Variants in SORCS3 observed in about 807,000 individuals in gnomAD.
SORCS3 encodes the protein sortilin related VPS10 domain containing receptor 3.
A neutral mutation model predicts 146.3 loss-of-function variants in SORCS3; 57 were observed. The ratio of observed to expected loss-of-function variants is 0.39; its 90% CI spans 0.31 to 0.49. SORCS3 has a LOEUF of 0.49. Ranked by LOEUF, SORCS3 falls within the 20% of genes least tolerant of loss-of-function variation. SORCS3 has a pLI of 0.92. For missense variants in SORCS3, 1,341 were observed against 1,575.5 expected, an observed-to-expected ratio of 0.85 and a Z score of 2.52; for synonymous variants, 653 against 618.5, an observed-to-expected ratio of 1.06 and a Z score of -0.83.
intron 1 of SORCS3, among the ~76,000 whole-genome samples, chr10:104,735,930 A>AGTAGCCCTC (rs2016766348): frequency 6.6e-6 from 1 of 152,072 alleles, no homozygotes; most frequent in Non-Finnish European, 1.5e-5. Flanking sequence ...CAAACACAAT[A>AGTAGCCCTC]CAGTAGTAGC....
intron 25 of SORCS3, among the ~76,000 whole-genome samples, chr10:105,258,970 G>A (rs1337453853): frequency 6.6e-6 from 1 of 152,150 alleles, no homozygotes; most frequent in Non-Finnish European, 1.5e-5. Context: ...TTGAAATTCT[G>A]TGGGATTTTC....
chr10:104,783,735 G>C (rs978886155), intron 1 of SORCS3, among the ~76,000 whole-genome samples: 40 of 152,166 alleles, frequency 2.6e-4, no homozygotes, highest in African/African-American at 9.7e-4. Context: ...TCAAAAAAGA[G>C]AGAGAGAGAG....
intron 1 of SORCS3, among the ~76,000 whole-genome samples, chr10:104,757,912 AG>A (rs2017074922): frequency 6.7e-6 from 1 of 149,224 alleles, no homozygotes; most frequent in Non-Finnish European, 1.5e-5. Flanking sequence ...TAAAGTACAA[AG>A]GGAAAGTTAA....
chr10:105,211,028 G>A (rs974681590), intron 16 of SORCS3, 109 bp from the exon 17 acceptor site: 8 of 685,778 alleles, frequency 1.2e-5, no homozygotes, highest in Admixed American at 1.0e-4. Context: ...AAAACAATGT[G>A]TTATGACTTT....
chr10:105,168,841 A>G (rs930336142), intron 13 of SORCS3, among the ~76,000 whole-genome samples: 33 of 152,164 alleles, frequency 2.2e-4, no homozygotes, highest in African/African-American at 7.5e-4. Context: ...ATATGGAGAG[A>G]TTGTGCATAT....
chr10:105,140,634 G>GATA (rs2056088796), intron 8 of SORCS3, among the ~76,000 whole-genome samples: 1 of 152,138 alleles, frequency 6.6e-6, no homozygotes, highest in Non-Finnish European at 1.5e-5. Context: ...AGTTAATTCT[G>GATA]CAAACAAAGA....
At position 104,723,115 on chromosome 10, in the gene SORCS3, C is replaced by T. The variant is rs571833665; in HGVS notation, c.627+81161C>T. Among the ~76,000 whole-genome samples, 397 of 152,178 alleles carry T rather than the reference C, an allele frequency of 2.6e-3. 4 individuals carry two copies. Among genetic ancestry groups the T allele is most frequent in the African/African-American group, 7.3e-3 (302 of 41,528 alleles). ...TTTCCTGCTTTCTCTTGTGGGCATT[C>T]AGTGCTATAAATTTCCCTCTACACA... On this transcript the variant is annotated intron_variant, in intron 1 of 26. Coordinates refer to ENST00000369701, the MANE Select transcript of SORCS3 (RefSeq NM_014978.3).
intron 1 of SORCS3, among the ~76,000 whole-genome samples, chr10:104,823,493 T>G (rs2017899457): frequency 1.3e-5 from 2 of 152,176 alleles, no homozygotes; most frequent in African/African-American, 4.8e-5. Flanking sequence ...CCACTGCCAT[T>G]GCCTCAGTTC....
intron 16 of SORCS3, among the ~76,000 whole-genome samples, chr10:105,202,406 A>G (rs2056579518): frequency 6.6e-6 from 1 of 152,154 alleles, no homozygotes. Flanking sequence ...CAGAAAATGC[A>G]AGAATTTCTT....
chr10:104,991,502 C>CTT (rs1554865716), intron 4 of SORCS3, among the ~76,000 whole-genome samples: 11 of 140,422 alleles, frequency 7.8e-5, no homozygotes, highest in African/African-American at 2.1e-4. Context: ...TCCTCTTCTT[C>CTT]CTTTTTTTTT....
intron 3 of SORCS3, among the ~76,000 whole-genome samples, chr10:104,950,079 G>T (rs192926954): frequency 6.6e-6 from 1 of 152,340 alleles, no homozygotes; most frequent in South Asian, 2.1e-4. Context: ...TAAGAGATAA[G>T]ATGAGGTTGT....
At chr10:104,991,815 G>A (rs912464480) in intron 4 of SORCS3, among the ~76,000 whole-genome samples, 6 of 152,148 alleles carry the variant, frequency 3.9e-5, no homozygotes, top group South Asian at 4.2e-4. Context: ...CTCTTCTTAC[G>A]TGAACATTGC....
At chr10:105,212,763 A>G (rs967140331) in intron 17 of SORCS3, among the ~76,000 whole-genome samples, 6 of 152,214 alleles carry the variant, frequency 3.9e-5, no homozygotes, top group African/African-American at 1.4e-4. Context: ...GAAAAAGAAG[A>G]GTAGATGATA....
chr10:104,899,499 G>A (rs1188079810), intron 2 of SORCS3, among the ~76,000 whole-genome samples: 2 of 152,158 alleles, frequency 1.3e-5, no homozygotes, highest in East Asian at 3.9e-4. Context: ...TGCTTCATAT[G>A]CAAACAGCCT....
intron 7 of SORCS3, among the ~76,000 whole-genome samples, chr10:105,106,832 A>G (rs1254362023): frequency 1.3e-5 from 2 of 152,146 alleles, no homozygotes; most frequent in African/African-American, 4.8e-5. Context: ...TGGCAGGCCA[A>G]CGGCACTCTC....
chr10:104,840,081 G>A (rs949214212), intron 1 of SORCS3, among the ~76,000 whole-genome samples: 13 of 152,190 alleles, frequency 8.5e-5, no homozygotes, highest in African/African-American at 1.9e-4. Context: ...AGCAGCTTTT[G>A]TGGGGTGTGG....
intron 4 of SORCS3, among the ~76,000 whole-genome samples, chr10:105,040,284 T>C (rs1355700272): frequency 6.6e-6 from 1 of 152,026 alleles, no homozygotes; most frequent in Admixed American, 6.6e-5. Flanking sequence ...TATAGAAATA[T>C]CCACAAATAG....
At chr10:105,225,043 C>A (rs555635113) in intron 20 of SORCS3, among the ~76,000 whole-genome samples, 55 of 152,152 alleles carry the variant, frequency 3.6e-4, no homozygotes, top group African/African-American at 1.2e-3. Context: ...ATCTTTTCAA[C>A]TTCTTGATAG....
chr10:105,179,426 C>A (rs1277786942), intron 14 of SORCS3, among the ~76,000 whole-genome samples: 1 of 152,176 alleles, frequency 6.6e-6, no homozygotes, highest in Non-Finnish European at 1.5e-5. Context: ...TTTTCCTTTC[C>A]TCCTGGCCAA....
Sources: gnomAD v4.1 joint callset for allele counts (sites outside exome capture counted in the v4.1 genomes callset) on GRCh38, gnomAD v4.1.1 for gene constraint, MANE v1.5 for transcripts, NCBI Gene and HGNC (gene_info 2026-07-23, HGNC 2026-07-21) for gene names.